RNF152: variants seen among roughly 807,000 people sequenced by gnomAD.
RNF152 encodes the protein E3 ubiquitin-protein ligase RNF152.
RNF152 carries 11 observed loss-of-function variants against 12.7 expected under a neutral mutation model. The observed-to-expected ratio is 0.86, with a 90% CI of 0.54 to 1.43. RNF152 has a LOEUF of 1.43. Ranked by LOEUF, RNF152 falls within the 40% of genes most tolerant of loss-of-function variation. The pLI, the probability that RNF152 is intolerant of heterozygous loss-of-function variation, is 0.00. For synonymous variants in RNF152, 113 were observed against 120.3 expected (o/e 0.94, Z 0.40); for missense variants, 255 against 274.8 (o/e 0.93, Z 0.51).
At chr18:61,827,901 G>A (rs926888998) in intron 1 of RNF152, among the ~76,000 whole-genome samples, 1 of 152,162 alleles carries the variant, frequency 6.6e-6, no homozygotes, top group Non-Finnish European at 1.5e-5. Context: ...TACAAACCTT[G>A]AAACTAGATA....
chr18:61,883,507 A>T (rs1202428311), intron 1 of RNF152, among the ~76,000 whole-genome samples: 1 of 152,096 alleles, frequency 6.6e-6, no homozygotes, highest in Non-Finnish European at 1.5e-5. Flanking sequence ...GGATGGTTGT[A>T]TCTCTACTAA....
intron 1 of RNF152, among the ~76,000 whole-genome samples, chr18:61,878,891 A>T (rs924553449): frequency 6.6e-6 from 1 of 152,226 alleles, no homozygotes; most frequent in African/African-American, 2.4e-5. Context: ...GGAGGGACAC[A>T]TACATTCAAA....
intron 1 of RNF152, among the ~76,000 whole-genome samples, chr18:61,886,302 A>G (rs1303846444): frequency 6.6e-6 from 1 of 152,184 alleles, no homozygotes; most frequent in Non-Finnish European, 1.5e-5. Context: ...GTTGTCAAAG[A>G]GTCACCAATG....
At chr18:61,825,177 G>A (rs1033399666) in intron 1 of RNF152, among the ~76,000 whole-genome samples, 12 of 152,166 alleles carry the variant, frequency 7.9e-5, no homozygotes, top group Non-Finnish European at 1.2e-4. Context: ...AGGAACCGGC[G>A]TTGCCATGGT....
intron 1 of RNF152, among the ~76,000 whole-genome samples, chr18:61,832,878 G>A (rs1910012878): frequency 6.6e-6 from 1 of 152,196 alleles, no homozygotes; most frequent in Non-Finnish European, 1.5e-5. Flanking sequence ...GGCATATCAT[G>A]ACCTTCACTC....
chr18:61,829,125 G>T (rs1483786014), intron 1 of RNF152, among the ~76,000 whole-genome samples: 1 of 152,152 alleles, frequency 6.6e-6, no homozygotes. Context: ...CTGCAATAGA[G>T]TTGTTAAGAT....
At position 61,815,630 on chromosome 18, in the gene RNF152, T is replaced by C. The variant is rs1909027984; in HGVS notation, c.*222A>G. ...ATTATGAGGATGCATGCAATCATCT[T>C]CCAAGCTGTTGCCATCAACACTCAG... On this transcript the variant is annotated 3_prime_UTR_variant, in exon 2 of 2. Coordinates refer to ENST00000312828, the MANE Select transcript of RNF152 (RefSeq NM_173557.3). The C allele has an allele frequency of 3.6e-6, 2 of 550,148 alleles. No individual in the cohort carries two copies. The highest frequency in any genetic ancestry group is 6.5e-5 in the Admixed American group (2 of 30,942). 34.1% of individuals were successfully genotyped at this position (550,148 alleles called of 1,614,324 possible).
At chr18:61,830,039 T>TTTG in intron 1 of RNF152, among the ~76,000 whole-genome samples, 1 of 151,674 alleles carries the variant, frequency 6.6e-6, no homozygotes, top group South Asian at 2.1e-4. Context: ...TTTTTTTTTT[T>TTTG]GAGACAGAGT....
chr18:61,888,356 G>A (rs1341001888), intron 1 of RNF152: 1 of 152,196 alleles, frequency 6.6e-6, no homozygotes, highest in Admixed American at 6.5e-5. Context: ...AGCACAGACG[G>A]TTCCCTACTT....
intron 1 of RNF152, among the ~76,000 whole-genome samples, chr18:61,882,063 A>G (rs1048501064): frequency 6.6e-6 from 1 of 152,272 alleles, no homozygotes; most frequent in African/African-American, 2.4e-5. Context: ...GAAATGCTCC[A>G]AAATCAGAAA....
At position 61,812,855 on chromosome 18, in the gene RNF152, AC is replaced by A. The variant is rs1268860156; in HGVS notation, c.*2996del. 2.8e-5 allele frequency: 4 copies of A among 141,170 alleles called. No individual in the cohort carries two copies. Among genetic ancestry groups the A allele is most frequent in the African/African-American group, 1.1e-4 (4 of 36,894 alleles). The allele number at this position is 141,170 out of a possible 1,614,324, so 8.7% of individuals were successfully genotyped here. A position where few individuals can be genotyped will look rare whatever the true frequency, so the allele number is the denominator to read the frequency against. On this transcript the variant is annotated 3_prime_UTR_variant, in exon 2 of 2. Transcript: ENST00000312828. ...CTAACTAAAATGAGTACATAAACCT[AC>A]AAAAAAAATTCTTTAAAGCAATAGT...
chr18:61,880,416 G>T (rs1365357199), intron 1 of RNF152, among the ~76,000 whole-genome samples: 1 of 152,144 alleles, frequency 6.6e-6, no homozygotes, highest in Non-Finnish European at 1.5e-5. Context: ...AAGGACTCAA[G>T]CCAGACTGCC....
intron 1 of RNF152, among the ~76,000 whole-genome samples, chr18:61,853,296 C>CTT (rs35190141): frequency 0.24 from 30,524 of 127,252 alleles, 4,242 homozygotes; most frequent in Non-Finnish European, 0.32. Context: ...GTTCCTTGCC[C>CTT]TTTTTTTTTT....
intron 1 of RNF152, among the ~76,000 whole-genome samples, chr18:61,873,788 A>G (rs546363347): frequency 6.6e-6 from 1 of 152,330 alleles, no homozygotes; most frequent in African/African-American, 2.4e-5. Context: ...TGAGGAAATA[A>G]CACTTCTTTC....
chr18:61,844,115 AAAGAAAG>A (rs1254849017), intron 1 of RNF152, among the ~76,000 whole-genome samples: 43 of 130,264 alleles, frequency 3.3e-4, no homozygotes, highest in African/African-American at 1.0e-3. Flanking sequence ...AGAAAGAAAG[AAAGAAAG>A]AAAGAAAGAA....
intron 1 of RNF152, among the ~76,000 whole-genome samples, chr18:61,846,277 A>G (rs1910741210): frequency 6.6e-6 from 1 of 152,138 alleles, no homozygotes; most frequent in African/African-American, 2.4e-5. Context: ...ACAATCCCAA[A>G]AAACTGTCTT....
chr18:61,816,446 C>A lies in RNF152; in HGVS notation c.18G>T (p.Gln6His). The change falls in exon 2 of 2, where the codon CAG becomes CAT. Residue 6 changes from glutamine to histidine, a missense_variant. Physicochemically the swap from Gln to His is conservative, Grantham distance 24 (BLOSUM62 0). Transcript: ENST00000312828. Reference protein sequence around the residue: METLSQDSLLECQICF... With the variant: METLSHDSLLECQICF... Reference sequence around the variant, plus strand: ...AGATCTGACATTCCAGCAGAGAGTCCTGGGACAGCGTCTCCATGGTGGACC... The same window carrying A: ...AGATCTGACATTCCAGCAGAGAGTCATGGGACAGCGTCTCCATGGTGGACC... The A allele has an allele frequency of 6.2e-7, 1 of 1,604,928 alleles. No homozygotes were observed.
chr18:61,836,685 G>A (rs371960301), intron 1 of RNF152, among the ~76,000 whole-genome samples: 27 of 152,000 alleles, frequency 1.8e-4, no homozygotes, highest in East Asian at 1.7e-3. Context: ...GGCAGCCCAA[G>A]CTAGCTAAGA....
chr18:61,844,484 G>A (rs1023119842), intron 1 of RNF152, among the ~76,000 whole-genome samples: 1 of 152,142 alleles, frequency 6.6e-6, no homozygotes, highest in African/African-American at 2.4e-5. Context: ...CCATTATGTC[G>A]ATCTGGTGGA....
Sources: allele counts gnomAD v4.1 joint callset (sites outside exome capture counted in the v4.1 genomes callset), GRCh38; gene constraint gnomAD v4.1.1; transcripts MANE v1.5; gene names NCBI Gene and HGNC (gene_info 2026-07-23, HGNC 2026-07-21).